Variants in DNAH8 observed in about 807,000 individuals in gnomAD.
DNAH8 encodes the protein dynein axonemal heavy chain 8, also known as axonemal beta dynein heavy chain 8.
A neutral mutation model predicts 562.1 loss-of-function variants in DNAH8; 382 were observed. The observed-to-expected ratio is 0.68, with a 90% CI of 0.63 to 0.74. DNAH8 has a LOEUF of 0.74. Ranked by LOEUF, DNAH8 falls within the 30% of genes least tolerant of loss-of-function variation. DNAH8 has a pLI of 0.00. For synonymous variants in DNAH8, 1,881 were observed against 1,919.4 expected, an observed-to-expected ratio of 0.98 and a Z score of 0.52; for missense variants, 5,203 against 5,620.4, an observed-to-expected ratio of 0.93 and a Z score of 2.37.
chr6:38,826,593 A>G (rs1273042393), intron 29 of DNAH8, among the ~76,000 whole-genome samples: 1 of 152,228 alleles, frequency 6.6e-6, no homozygotes, highest in Non-Finnish European at 1.5e-5. Context: ...CTGTTGTAAT[A>G]CAAAGGAATG....
In DNAH8 at chr6:38,918,274, C is replaced by T. The variant is rs890747307; in HGVS notation, c.10524+134C>T. 1.0e-5 allele frequency: 6 copies of T among 595,026 alleles called. No individual in the cohort carries two copies. The African/African-American group carries it at 1.1e-4, about 11-fold the overall frequency. 36.9% of individuals were successfully genotyped at this position (595,026 alleles called of 1,614,324 possible). A position where few individuals can be genotyped will look rare whatever the true frequency, so the allele number is the denominator to read the frequency against. On this transcript the variant is annotated intron_variant, in intron 70 of 92. Transcript: ENST00000327475. ...CCCTGTTACCAAATTTGTCTTTTTT[C>T]TCTATGTCCTCTCAAAGTTTCTCCT... is the stretch of plus-strand genomic sequence containing the variant.
At chr6:38,784,771 C>T (rs970896921) in intron 17 of DNAH8, among the ~76,000 whole-genome samples, 1 of 152,228 alleles carries the variant, frequency 6.6e-6, no homozygotes, top group Non-Finnish European at 1.5e-5. Flanking sequence ...GAGACACTGA[C>T]ACATTAAGTG....
intron 77 of DNAH8, 68 bp downstream of exon 77, chr6:38,935,765 A>G (rs905231117): frequency 1.1e-4 from 131 of 1,156,844 alleles, no homozygotes; most frequent in Non-Finnish European, 1.6e-4. Context: ...ACTCTTTTCA[A>G]TGCCCTCATG....
chr6:38,896,070 C>A lies in DNAH8; in HGVS notation c.8785C>A (p.His2929Asn). 2 of 1,613,978 alleles carry A rather than the reference C, an allele frequency of 1.2e-6. No individual in the cohort carries two copies. The highest frequency in any genetic ancestry group is 4.5e-5 in the East Asian group (2 of 44,874). The change falls in exon 60 of 93, where the codon CAT becomes AAT. Residue 2929 changes from histidine (H) to asparagine (N), a missense_variant. By Grantham distance (68) the His-to-Asn change is moderately conservative. Transcript: ENST00000327475. ...TPEDEQWFNA[H>N]LTRAVEENIG... is the part of the protein sequence containing the mutation. ...TGAAGATGAGCAGTGGTTTAATGCA[C>A]ATCTTACTCGTGCAGTTGAAGAAAA...
intron 74 of DNAH8, among the ~76,000 whole-genome samples, chr6:38,926,625 T>C (rs1209259574): frequency 2.0e-5 from 3 of 152,172 alleles, no homozygotes; most frequent in Non-Finnish European, 2.9e-5. Flanking sequence ...GTGTTAATTT[T>C]AAGGTGAGAG....
chr6:38,841,820 C>T (rs1424798741), intron 33 of DNAH8, among the ~76,000 whole-genome samples: 1 of 151,954 alleles, frequency 6.6e-6, no homozygotes, highest in East Asian at 1.9e-4. Context: ...TGGGCTCAAG[C>T]AGTCCTTTCA....
At chr6:38,717,119 G>C (rs1762400809) in intron 1 of DNAH8, among the ~76,000 whole-genome samples, 1 of 152,172 alleles carries the variant, frequency 6.6e-6, no homozygotes, top group South Asian at 2.1e-4. Flanking sequence ...GGCTGAGGTA[G>C]GAGGATCGCT....
At chr6:38,851,410 T>G (rs374384764) in intron 38 of DNAH8, among the ~76,000 whole-genome samples, 162 bp from the exon 39 acceptor site, 46 of 152,338 alleles carry the variant, frequency 3.0e-4, no homozygotes, top group Non-Finnish European at 5.7e-4. Context: ...TGGTGGAGCA[T>G]GGACTTTGGT....
chr6:38,735,973 A>G (rs1365702885), intron 5 of DNAH8, among the ~76,000 whole-genome samples: 1 of 152,086 alleles, frequency 6.6e-6, no homozygotes, highest in Non-Finnish European at 1.5e-5. Flanking sequence ...CCCTGTCTCT[A>G]CTAAAATACA....
chr6:38,726,960 C>A (rs564909465), intron 3 of DNAH8, among the ~76,000 whole-genome samples: 51 of 148,710 alleles, frequency 3.4e-4, no homozygotes, highest in African/African-American at 1.2e-3. Context: ...CAGGCTCAAG[C>A]GATTCTCCTG....
chr6:38,861,995 G>A (rs889484330), intron 43 of DNAH8, among the ~76,000 whole-genome samples: 4 of 134,624 alleles, frequency 3.0e-5, no homozygotes, highest in Admixed American at 8.9e-5. Context: ...ACATTTGCCA[G>A]CACAATACTG....
intron 62 of DNAH8, among the ~76,000 whole-genome samples, chr6:38,903,612 C>CT (rs756414599): frequency 0.11 from 13,995 of 129,274 alleles, 1,006 homozygotes; most frequent in Admixed American, 0.17. Context: ...TTCTTTCTTC[C>CT]TTTTTTTTTT....
In DNAH8 at chr6:38,850,518, A is replaced by G. The variant is rs1775658132; in HGVS notation, c.5363+104A>G. The G allele has an allele frequency of 3.8e-6, 4 of 1,049,830 alleles. No homozygotes were observed. The East Asian group carries it at 1.0e-4, about 27-fold the overall frequency. 65.0% of individuals were successfully genotyped at this position (1,049,830 alleles called of 1,614,324 possible). On this transcript the variant is annotated intron_variant, in intron 38 of 92. Transcript: ENST00000327475. ...TTTCTGGTTTGGTAGTGATGGTTAA[A>G]GTGGGGCTAGGAACTTAAAATTTCA...
intron 82 of DNAH8, among the ~76,000 whole-genome samples, chr6:38,962,707 C>G (rs571299787): frequency 4.7e-4 from 72 of 152,108 alleles, no homozygotes; most frequent in Non-Finnish European, 9.3e-4. Context: ...TGTTGAGTGG[C>G]CAAGATTTTC....
chr6:38,903,664 G>T (rs1780237185), intron 62 of DNAH8, among the ~76,000 whole-genome samples: 1 of 142,664 alleles, frequency 7.0e-6, no homozygotes, highest in African/African-American at 2.7e-5. Context: ...ACAGGCTGGA[G>T]TGCAGTGGTG....
intron 9 of DNAH8, among the ~76,000 whole-genome samples, chr6:38,752,163 C>A (rs1165557828): frequency 6.6e-6 from 1 of 151,094 alleles, no homozygotes; most frequent in African/African-American, 2.5e-5. Flanking sequence ...TTTCCTTCCT[C>A]CCCCCACCCC....
intron 70 of DNAH8, among the ~76,000 whole-genome samples, chr6:38,919,560 A>G (rs1781544835): frequency 6.6e-6 from 1 of 152,208 alleles, no homozygotes; most frequent in Non-Finnish European, 1.5e-5. Context: ...AACTACATTG[A>G]ACTTTCTTCA....
At chr6:38,804,776 AGAGAGAGAGAGAG>A (rs2150300435) in intron 22 of DNAH8, among the ~76,000 whole-genome samples, 1 of 151,994 alleles carries the variant, frequency 6.6e-6, no homozygotes, top group East Asian at 1.9e-4. Context: ...AGAGAGAGAG[AGAGAGAGAGAGAG>A]AAAGAGAAAA....
chr6:38,732,415 G>A (rs1763722856), intron 4 of DNAH8, among the ~76,000 whole-genome samples: 1 of 152,166 alleles, frequency 6.6e-6, no homozygotes. Flanking sequence ...AAAAGGGGAG[G>A]GTAGTAAATC....
Sources: allele counts gnomAD v4.1 joint callset (sites outside exome capture counted in the v4.1 genomes callset), GRCh38; gene constraint gnomAD v4.1.1; transcripts MANE v1.5; gene names NCBI Gene and HGNC (gene_info 2026-07-23, HGNC 2026-07-21).